YBX1: variants seen among roughly 807,000 people sequenced by gnomAD.
The protein encoded by YBX1 is Y-box binding protein 1, also known as Y-box-binding protein 1.
YBX1 carries 3 observed loss-of-function variants against 41.4 expected under a neutral mutation model. The observed-to-expected ratio is 0.07, with a 90% CI of 0.03 to 0.19. The LOEUF (loss-of-function observed/expected upper bound fraction) is 0.19. Among genes scored for constraint, YBX1 ranks in the 10% least tolerant of loss-of-function variants. The probability of loss-of-function intolerance (pLI) is 1.00; values close to 1 mark genes in which losing one functional copy is unlikely to be tolerated. For synonymous variants in YBX1, 133 were observed against 165.8 expected (o/e 0.80, Z 1.52); for missense variants, 274 against 462.8 (o/e 0.59, Z 3.74).
At chr1:42,687,705 A>G (rs1650231486) in intron 2 of YBX1, among the ~76,000 whole-genome samples, 1 of 152,104 alleles carries the variant, frequency 6.6e-6, no homozygotes, top group South Asian at 2.1e-4. Flanking sequence ...TCCTGGGCTC[A>G]AGTGATCTTC....
At chr1:42,690,860 G>T (rs1229257008) in intron 2 of YBX1, among the ~76,000 whole-genome samples, 2 of 152,126 alleles carry the variant, frequency 1.3e-5, no homozygotes, top group Non-Finnish European at 2.9e-5. Flanking sequence ...ACATCTTGAA[G>T]ACATTTCTTT....
rs897989346 is a variant in YBX1 at position 42,683,528 on chromosome 1, T to C, written c.230+62T>C. ...CTTGCTTGCTTCCTGCTCTGTCGGCTTCTCGGGGCTTGGGAAGCCCCAATC... is the reference window on the plus strand; with the variant it reads ...CTTGCTTGCTTCCTGCTCTGTCGGCCTCTCGGGGCTTGGGAAGCCCCAATC... On this transcript the variant is annotated intron_variant, in intron 2 of 7. Transcript: ENST00000321358. The C allele has an allele frequency of 8.1e-6, 13 of 1,597,162 alleles. No individual in the cohort carries two copies. In the Admixed American group the frequency reaches 2.0e-4, roughly 25 times the overall value.
intron 6 of YBX1, among the ~76,000 whole-genome samples, 172 bp from the exon 7 acceptor site, chr1:42,700,609 T>TCCCC (rs5773785): frequency 1.0e-4 from 5 of 48,212 alleles, no homozygotes; most frequent in African/African-American, 1.9e-4. Context: ...CTACTCAGCA[T>TCCCC]CCCCCCCCCC....
intron 2 of YBX1, among the ~76,000 whole-genome samples, chr1:42,684,295 G>A (rs950639092): frequency 9.2e-5 from 14 of 152,342 alleles, no homozygotes; most frequent in African/African-American, 3.4e-4. Flanking sequence ...TATTCCATGG[G>A]CTCCCTTGTA....
chr1:42,693,661 A>G (rs1181307657), intron 3 of YBX1, 138 bp downstream of exon 3: 3 of 750,968 alleles, frequency 4.0e-6, no homozygotes, highest in Admixed American at 6.1e-5. Flanking sequence ...GAGTAGTAGC[A>G]TGCTTAAAAA....
In YBX1 at chr1:42,696,985, G is replaced by GC. The variant is rs1650477493; in HGVS notation, c.657+41_657+42insC. 1 of 1,523,170 alleles carries GC rather than the reference G, an allele frequency of 6.6e-7. No homozygotes were observed. Among genetic ancestry groups the GC allele is most frequent in the Non-Finnish European group, 8.8e-7 (1 of 1,136,820 alleles). The allele number at this position is 1,523,170 out of a possible 1,614,324, so 94.4% of individuals were successfully genotyped here. On this transcript the variant is annotated intron_variant, in intron 5 of 7. Transcript: ENST00000321358. The surrounding 1 kb of genome is among the most constrained non-coding windows in gnomAD (Gnocchi z 5.7). Reference sequence around the variant, plus strand: ...AACAACAGCAATGTGATAAGTTCTGGTAGGACTGTTTAGAGCTGTTAATTA... The same window carrying GC: ...AACAACAGCAATGTGATAAGTTCTGGCTAGGACTGTTTAGAGCTGTTAATTA...
At chr1:42,697,672 C>T (rs1290103344) in intron 6 of YBX1, among the ~76,000 whole-genome samples, 1 of 151,972 alleles carries the variant, frequency 6.6e-6, no homozygotes, top group Non-Finnish European at 1.5e-5. Context: ...GATATGTACC[C>T]CCTTTTTTTT....
In YBX1 at chr1:42,696,446, A is replaced by G. The variant is rs565313217; in HGVS notation, c.354+158A>G. Among the ~76,000 whole-genome samples the G allele has an allele frequency of 5.9e-5, 9 of 151,690 alleles. No homozygotes were observed. Among genetic ancestry groups the G allele is most frequent in the African/African-American group, 7.3e-5 (3 of 41,314 alleles). ...ATGTTCTGGCTGCAGTTAGAGGGCA[A>G]TCTCTTCAGAACAGTGAGGAACTGA... On this transcript the variant is annotated intron_variant, in intron 4 of 7. Coordinates refer to ENST00000321358, the MANE Select transcript of YBX1 (RefSeq NM_004559.5). This position sits in a 1 kb window ranked among gnomAD's most constrained non-coding sequence, Gnocchi z 5.7.
rs545242040 is a variant in YBX1 at position 42,693,370 on chromosome 1, G to T, written c.231-120G>T. 36 of 1,150,872 alleles carry T rather than the reference G, an allele frequency of 3.1e-5. No individual in the cohort carries two copies. In the South Asian group the frequency reaches 3.4e-4, roughly 11 times the overall value. The allele number at this position is 1,150,872 out of a possible 1,614,324, so 71.3% of individuals were successfully genotyped here. A position where few individuals can be genotyped will look rare whatever the true frequency, so the allele number is the denominator to read the frequency against. ...GAGAGCATGGTGGCTTGTGTTTTTT[G>T]ATTTTTGCCAAATTTCCTGGTACCT... On this transcript the variant is annotated intron_variant, in intron 2 of 7. Coordinates refer to ENST00000321358, the MANE Select transcript of YBX1 (RefSeq NM_004559.5).
chr1:42,697,702 T>C (rs1028791762), intron 6 of YBX1, among the ~76,000 whole-genome samples: 1 of 152,106 alleles, frequency 6.6e-6, no homozygotes, highest in African/African-American at 2.4e-5. Context: ...AGTTGTCAGC[T>C]CAAAGTTGCA....
rs925058523 is a variant in YBX1 at position 42,696,530 on chromosome 1, T to C, written c.355-112T>C. The stretch of plus-strand genomic sequence containing the variant: ...AGTTGCGCCCCCCCCCCCTTTTTTT[T>C]CCTTAACTTTGTTGTTTTTTGCTTT... On this transcript the variant is annotated intron_variant, in intron 4 of 7. Coordinates refer to ENST00000321358, the MANE Select transcript of YBX1 (RefSeq NM_004559.5). This position sits in a 1 kb window ranked among gnomAD's most constrained non-coding sequence, Gnocchi z 5.7. 1.3e-4 allele frequency: 72 copies of C among 540,940 alleles called. No homozygotes were observed. Among genetic ancestry groups the C allele is most frequent in the Non-Finnish European group, 1.7e-4 (59 of 342,474 alleles). 33.5% of individuals were successfully genotyped at this position (540,940 alleles called of 1,614,324 possible). A position where few individuals can be genotyped will look rare whatever the true frequency, so the allele number is the denominator to read the frequency against.
At chr1:42,691,805 T>A (rs1337342394) in intron 2 of YBX1, among the ~76,000 whole-genome samples, 2 of 152,224 alleles carry the variant, frequency 1.3e-5, no homozygotes, top group Non-Finnish European at 2.9e-5. Flanking sequence ...TTCTAGCAAC[T>A]AACACCCACC....
intron 2 of YBX1, among the ~76,000 whole-genome samples, chr1:42,691,490 T>C (rs1211955345): frequency 6.6e-6 from 1 of 152,180 alleles, no homozygotes; most frequent in Non-Finnish European, 1.5e-5. Context: ...TTTTTATAGA[T>C]ATAGGGTCTC....
At position 42,701,177 on chromosome 1, in the gene YBX1, C is replaced by A. The variant is rs994958821; in HGVS notation, c.*31+131C>A. ...GCCATGTTATTTATAATGTGTTCTG[C>A]CCTATTCTTAATTACCTAATATTTC... On this transcript the variant is annotated intron_variant, in intron 7 of 7. Transcript: ENST00000321358. 5.8e-6 allele frequency: 4 copies of A among 694,252 alleles called. No individual in the cohort carries two copies. The African/African-American group carries it at 7.2e-5, about 13-fold the overall frequency. 43.0% of individuals were successfully genotyped at this position (694,252 alleles called of 1,614,324 possible). A position where few individuals can be genotyped will look rare whatever the true frequency, so the allele number is the denominator to read the frequency against.
At chr1:42,688,296 G>A (rs920432233) in intron 2 of YBX1, among the ~76,000 whole-genome samples, 5 of 152,168 alleles carry the variant, frequency 3.3e-5, no homozygotes, top group African/African-American at 4.8e-5. Context: ...GAAAACTTCA[G>A]ATGAACCACA....
chr1:42,686,639 G>T (rs753862241), intron 2 of YBX1, among the ~76,000 whole-genome samples: 7 of 152,174 alleles, frequency 4.6e-5, no homozygotes, highest in Non-Finnish European at 8.8e-5. Flanking sequence ...TTGGGGTGGG[G>T]GCTCCCTTGT....
In YBX1 at chr1:42,700,963, C is replaced by G; in HGVS notation, c.923C>G (p.Pro308Arg). 6.2e-7 allele frequency: 1 copy of G among 1,614,154 alleles called. No homozygotes were observed. The highest frequency in any genetic ancestry group is 8.5e-7 in the Non-Finnish European group (1 of 1,180,030). ...QDGKETKAADPPAENSSAPEA... is the reference protein window; with the variant it reads ...QDGKETKAADRPAENSSAPEA... ...GGCAAAGAGACAAAAGCAGCCGATCCACCAGCTGAGAATTCGTCCGCTCCC... is the reference window on the plus strand; with the variant it reads ...GGCAAAGAGACAAAAGCAGCCGATCGACCAGCTGAGAATTCGTCCGCTCCC... Residue 308 changes from proline to arginine, a missense_variant, in exon 7 of 8, where the codon CCA becomes CGA. Pro to Arg is a moderately radical substitution (Grantham distance 103). Around this residue, in one of 3 missense-constraint regions of YBX1, gnomAD observed 187 missense variants for 306.3 expected, o/e 0.61. Transcript: ENST00000321358.
At position 42,696,422 on chromosome 1, in the gene YBX1, T is replaced by C; in HGVS notation, c.354+134T>C. 1 of 1,018,242 alleles carries C rather than the reference T, an allele frequency of 9.8e-7. No homozygotes were observed. Among genetic ancestry groups the C allele is most frequent in the Non-Finnish European group, 1.4e-6 (1 of 695,376 alleles). 63.1% of individuals were successfully genotyped at this position (1,018,242 alleles called of 1,614,324 possible). ...ATGAACACAGGTGCATCAAGCCTAA[T>C]GTTCTGGCTGCAGTTAGAGGGCAAT... On this transcript the variant is annotated intron_variant, in intron 4 of 7. Transcript: ENST00000321358. The surrounding 1 kb of genome is among the most constrained non-coding windows in gnomAD (Gnocchi z 5.7).
At chr1:42,692,166 C>G (rs1650355629) in intron 2 of YBX1, among the ~76,000 whole-genome samples, 1 of 152,180 alleles carries the variant, frequency 6.6e-6, no homozygotes, top group African/African-American at 2.4e-5. Context: ...GAAGTATTGC[C>G]CCTGTTGAAA....
Sources: allele counts gnomAD v4.1 joint callset (sites outside exome capture counted in the v4.1 genomes callset), GRCh38; gene constraint gnomAD v4.1.1; regional missense constraint gnomAD v4.1.1; non-coding constraint Gnocchi (gnomAD v3.1); transcripts MANE v1.5; gene names NCBI Gene and HGNC (gene_info 2026-07-23, HGNC 2026-07-21).